Variants in HSPG2 observed in about 807,000 individuals in gnomAD.
The protein encoded by HSPG2 is basement membrane-specific heparan sulfate proteoglycan core protein.
In HSPG2, 278 loss-of-function variants were observed where a neutral mutation model predicts 526.6. That is an observed-to-expected ratio of 0.53 (90% CI 0.48 to 0.58). HSPG2 has a LOEUF of 0.58. Ranked by LOEUF, HSPG2 falls within the 20% of genes least tolerant of loss-of-function variation. The probability of loss-of-function intolerance (pLI) is 0.00; values close to 1 mark genes in which losing one functional copy is unlikely to be tolerated. For synonymous variants in HSPG2, 2,465 were observed against 2,555.4 expected, an observed-to-expected ratio of 0.96 and a Z score of 1.07; for missense variants, 5,354 against 6,099.5, an observed-to-expected ratio of 0.88 and a Z score of 4.07.
rs539990898 is a variant in HSPG2, at chr1:21,887,979, C to G, written c.662G>C (p.Arg221Pro). Residue 221 changes from arginine (R) to proline (P), a missense_variant, in exon 7 of 97, where the codon CGG (arginine) becomes CCG (proline). By Grantham distance (103) the Arg-to-Pro change is moderately radical. Coordinates refer to ENST00000374695, the MANE Select transcript of HSPG2 (RefSeq NM_005529.7). This position sits in a 1 kb window ranked among gnomAD's most constrained non-coding sequence, Gnocchi z 5.0. ...ECVALEYRCD[R>P]RPDCRDMSDE... ...AGACATGTCCCTGCAGTCGGGCCGC[C>G]GGTCACAGCGATACTCCAGGGCCAC... The G allele has an allele frequency of 6.2e-7, 1 of 1,614,158 alleles. No individual in the cohort carries two copies. Among genetic ancestry groups the G allele is most frequent in the Non-Finnish European group, 8.5e-7 (1 of 1,180,038 alleles).
chr1:21,845,902 G>A (rs116810757), intron 64 of HSPG2, among the ~76,000 whole-genome samples: 4 of 152,204 alleles, frequency 2.6e-5, no homozygotes, highest in East Asian at 1.9e-4. Flanking sequence ...GCCTATGCTC[G>A]CAAGCCGTGG....
intron 25 of HSPG2, 54 bp downstream of exon 25, chr1:21,875,575 A>T: frequency 1.5e-6 from 2 of 1,353,922 alleles, no homozygotes; most frequent in Non-Finnish European, 2.1e-6. Flanking sequence ...TGCACCGCTT[A>T]GATGGAGCCC....
At chr1:21,829,325 G>A in intron 87 of HSPG2, 58 bp downstream of exon 87, 2 of 1,555,240 alleles carry the variant, frequency 1.3e-6, no homozygotes, top group Non-Finnish European at 1.8e-6. Flanking sequence ...GGCTTGAAGA[G>A]CCGAGGGGGG....
intron 24 of HSPG2, 48 bp from the exon 25 acceptor site, chr1:21,875,795 T>C (rs776098336): frequency 1.5e-5 from 24 of 1,607,132 alleles, no homozygotes; most frequent in Middle Eastern, 1.6e-4. Context: ...TCCTGGAGTA[T>C]TGAATGCCGG....
chr1:21,885,179 T>C, intron 10 of HSPG2, 22 bp from the exon 11 acceptor site: 4 of 1,600,246 alleles, frequency 2.5e-6, no homozygotes, highest in Non-Finnish European at 3.4e-6. Flanking sequence ...AGGGCAGGAG[T>C]GAGGGGTCGG....
chr1:21,890,479 A>G lies in HSPG2; in HGVS notation c.361T>C (p.Ser121Pro). 6.2e-7 allele frequency: 1 copy of G among 1,609,616 alleles called. No individual in the cohort carries two copies. The highest frequency in any genetic ancestry group is 1.1e-5 in the South Asian group (1 of 90,890). The change falls in exon 5 of 97, where the codon TCG (serine) becomes CCG (proline). Residue 121 changes from serine to proline, a missense_variant. Coordinates refer to ENST00000374695, the MANE Select transcript of HSPG2 (RefSeq NM_005529.7). This position sits in a 1 kb window ranked among gnomAD's most constrained non-coding sequence, Gnocchi z 4.1. ...TCTCCGGGAATTTTCAAGTACTCCG[A>G]CTCCAGCTGGGGAGGGACACAGTGC... ...VSEAVVDTLE[S>P]EYLKIPGDQV...
At position 21,824,174 on chromosome 1, in the gene HSPG2, C is replaced by T. The variant is rs1291682542; in HGVS notation, c.12846G>A (p.Leu4282=). ...RYQLGSGEAR[L]VSEDPINDGE... ...CGTCATTGATGGGGTCCTCAGAGAC[C>T]AGGCGGGCCTCCCCACTACCCAGCT... The change falls in exon 95 of 97, where the codon CTG becomes CTA. Residue 4282 remains leucine (L), a synonymous_variant. Coordinates refer to ENST00000374695, the MANE Select transcript of HSPG2 (RefSeq NM_005529.7). The surrounding 1 kb of genome is among the most constrained non-coding windows in gnomAD (Gnocchi z 5.9). 2 of 1,613,752 alleles carry T rather than the reference C, an allele frequency of 1.2e-6. No homozygotes were observed. The highest frequency in any genetic ancestry group is 1.7e-6 in the Non-Finnish European group (2 of 1,180,034).
chr1:21,896,498 T>A (rs1167542499), intron 1 of HSPG2, among the ~76,000 whole-genome samples, 188 bp from the exon 2 acceptor site: 1 of 152,212 alleles, frequency 6.6e-6, no homozygotes, highest in Non-Finnish European at 1.5e-5. Context: ...CCAAGTCCCA[T>A]TAGCCCCTGG....
chr1:21,867,054 T>A (rs1212885356), intron 33 of HSPG2, among the ~76,000 whole-genome samples: 3 of 108,472 alleles, frequency 2.8e-5, no homozygotes, highest in Admixed American at 1.2e-4. Flanking sequence ...TTTTTAAAAA[T>A]TTTTTATTTT....
rs1376523242 is a variant in HSPG2 at position 21,885,058 on chromosome 1, A to C, written c.1310T>G (p.Ile437Ser). The change falls in exon 11 of 97, where the codon ATC becomes AGC. Residue 437 changes from isoleucine to serine, a missense_variant. Transcript: ENST00000374695. Reference sequence around the variant, plus strand: ...GCCCCAGTTGAGCCTCCAATTGATGATGGGGGTGGGGACGCCAATGGCCAC... The same window carrying C: ...GCCCCAGTTGAGCCTCCAATTGATGCTGGGGGTGGGGACGCCAATGGCCAC... ...TCVAIGVPTP[I>S]INWRLNWGHI... is the part of the protein sequence containing the mutation. 1.9e-6 allele frequency: 3 copies of C among 1,613,686 alleles called. No homozygotes were observed. The highest frequency in any genetic ancestry group is 1.3e-5 in the African/African-American group (1 of 74,854).
chr1:21,887,301 G>C lies in HSPG2; in HGVS notation c.992C>G (p.Pro331Arg). The change falls in exon 9 of 97, where the codon CCC (proline) becomes CGC (arginine). Residue 331 changes from proline (P) to arginine (R), a missense_variant. Transcript: ENST00000374695. This position sits in a 1 kb window ranked among gnomAD's most constrained non-coding sequence, Gnocchi z 5.0. Reference protein sequence around the residue: ...PPPPCEPNEFPCGNGHCALKL... With the variant: ...PPPPCEPNEFRCGNGHCALKL... The stretch of plus-strand genomic sequence containing the variant: ...GAGGGCACAATGTCCATTCCCGCAG[G>C]GGAACTCGTTGGGCTCACAGGGTGG... 1 of 1,614,094 alleles carries C rather than the reference G, an allele frequency of 6.2e-7. No individual in the cohort carries two copies. The highest frequency in any genetic ancestry group is 8.5e-7 in the Non-Finnish European group (1 of 1,179,970).
chr1:21,934,634 C>T (rs979690135), intron 1 of HSPG2, among the ~76,000 whole-genome samples: 10 of 151,566 alleles, frequency 6.6e-5, no homozygotes, highest in Admixed American at 4.6e-4. Flanking sequence ...CTTGCTCTGT[C>T]GCCCAGGCTG....
chr1:21,905,483 T>C (rs1643335045), intron 1 of HSPG2, among the ~76,000 whole-genome samples: 1 of 152,242 alleles, frequency 6.6e-6, no homozygotes, highest in Admixed American at 6.5e-5. Context: ...GCCTCACGCC[T>C]ATAATCCCAG....
Position 21,847,244 on chromosome 1 carries a change from G to C in HSPG2, c.8164+110C>G. On this transcript the variant is annotated intron_variant, in intron 62 of 96. Coordinates refer to ENST00000374695, the MANE Select transcript of HSPG2 (RefSeq NM_005529.7). The surrounding 1 kb of genome is among the most constrained non-coding windows in gnomAD (Gnocchi z 4.1). ...AGCCACTGAACCCACGCATCTTTCC[G>C]CTGGCCCTTGCCTGAGTACCACCAG... is the stretch of plus-strand genomic sequence containing the variant. The C allele has an allele frequency of 1.6e-6, 2 of 1,252,470 alleles. No individual in the cohort carries two copies. The highest frequency in any genetic ancestry group is 2.3e-6 in the Non-Finnish European group (2 of 863,066). The allele number at this position is 1,252,470 out of a possible 1,614,324, so 77.6% of individuals were successfully genotyped here. A position where few individuals can be genotyped will look rare whatever the true frequency, so the allele number is the denominator to read the frequency against.
intron 1 of HSPG2, among the ~76,000 whole-genome samples, chr1:21,926,735 C>A (rs1195007161): frequency 2.5e-5 from 3 of 118,152 alleles, no homozygotes; most frequent in Non-Finnish European, 4.9e-5. Context: ...ACACTTCAGG[C>A]TGGGAGACAG....
intron 1 of HSPG2, among the ~76,000 whole-genome samples, chr1:21,930,876 GTTCATTCA>G (rs1387368096): frequency 6.6e-6 from 1 of 152,102 alleles, no homozygotes; most frequent in Non-Finnish European, 1.5e-5. Context: ...TACATCATTT[GTTCATTCA>G]TTCATTCAAC....
At chr1:21,915,351 T>G (rs1188164876) in intron 1 of HSPG2, among the ~76,000 whole-genome samples, 1 of 152,118 alleles carries the variant, frequency 6.6e-6, no homozygotes, top group Non-Finnish European at 1.5e-5. Flanking sequence ...AGCCCGGACA[T>G]GGAGATTCCA....
intron 42 of HSPG2, among the ~76,000 whole-genome samples, chr1:21,857,755 G>A (rs191102523): frequency 6.6e-6 from 1 of 152,164 alleles, no homozygotes; most frequent in East Asian, 1.9e-4. Context: ...ATCTCCTCCA[G>A]CCTCTCCAAC....
intron 64 of HSPG2, among the ~76,000 whole-genome samples, chr1:21,844,711 T>C (rs986291842): frequency 6.6e-6 from 1 of 152,170 alleles, no homozygotes; most frequent in South Asian, 2.1e-4. Context: ...CAACTTCACC[T>C]CTCTGAGTCT....
Sources: gnomAD v4.1 joint callset for allele counts (sites outside exome capture counted in the v4.1 genomes callset) on GRCh38, gnomAD v4.1.1 for gene constraint, Gnocchi (gnomAD v3.1) non-coding constraint, MANE v1.5 for transcripts, NCBI Gene and HGNC (gene_info 2026-07-23, HGNC 2026-07-21) for gene names.